The following NFKBID variants were observed in gnomAD, a reference collection of about 807,000 sequenced individuals.
NFKBID encodes NFKB inhibitor delta.
NFKBID carries 26 observed loss-of-function variants against 53.4 expected under a neutral mutation model. The observed-to-expected ratio is 0.49, with a 90% CI of 0.36 to 0.68. The LOEUF (loss-of-function observed/expected upper bound fraction) is 0.68. Among genes scored for constraint, NFKBID ranks in the 30% least tolerant of loss-of-function variants. The pLI is 0.00. For synonymous variants in NFKBID, 262 were observed against 259.8 expected (o/e 1.01, Z -0.08); for missense variants, 493 against 614.1 (o/e 0.80, Z 2.08).
At chr19:35,897,825 A>G in exon 4 of NFKBID, 1 of 1,569,466 alleles carries the variant, frequency 6.4e-7, no homozygotes, top group Non-Finnish European at 8.6e-7. Flanking sequence ...CAGAACCCAC[A>G]GTCTCCGAGT....
At chr19:35,900,602 G>A (rs1975508587) in exon 1 of NFKBID, 3 of 1,230,402 alleles carry the variant, frequency 2.4e-6, no homozygotes, top group South Asian at 8.3e-5. Context: ...CCAGTCCTGG[G>A]CAGGGCCCGC....
Position 35,889,793 on chromosome 19 carries a change from G to A in NFKBID, c.1314+97C>T. The A allele has an allele frequency of 2.4e-6, 3 of 1,274,540 alleles. No homozygotes were observed. The South Asian group carries it at 4.2e-5, about 18-fold the overall frequency. The allele number at this position is 1,274,540 out of a possible 1,614,324, so 79.0% of individuals were successfully genotyped here. Reference sequence around the variant, plus strand: ...CTGAAGTCACCTTCCGAGATTAGAAGTCATTCTCTGAAAGCGAGCATTGGG... The same window carrying A: ...CTGAAGTCACCTTCCGAGATTAGAAATCATTCTCTGAAAGCGAGCATTGGG... On this transcript the variant is annotated intron_variant, in intron 11 of 11. Transcript: ENST00000641389.
rs1418364881 is a variant in NFKBID, at chr19:35,896,389, T to C, written c.831+3A>G. 2 of 1,613,942 alleles carry C rather than the reference T, an allele frequency of 1.2e-6. No homozygotes were observed. Among genetic ancestry groups the C allele is most frequent in the Non-Finnish European group, 1.7e-6 (2 of 1,179,996 alleles). On this transcript the variant is annotated splice_donor_region_variant and intron_variant, in intron 7 of 11. Transcript: ENST00000641389. The surrounding 1 kb of genome is among the most constrained non-coding windows in gnomAD (Gnocchi z 5.7). ...CAAACCCCTGCCTGCCAGCTGGCCA[T>C]ACCAAGAGAACTCCTGGGAGCCCGT...
In NFKBID at chr19:35,896,072, C is replaced by T. The variant is rs375531604; in HGVS notation, c.940G>A (p.Asp314Asn). ...GTGCTCAGCACCCGGGGACAGAGGT[C>T]GGAAGGGCGCATAGCAACGTTAAGG... Residue 314 changes from aspartate (D) to asparagine (N), a missense_variant, in exon 9 of 12, where the codon GAC becomes AAC. By Grantham distance (23) the Asp-to-Asn change is conservative. Around this residue, in one of 2 missense-constraint regions of NFKBID, gnomAD observed 267 missense variants for 384.6 expected, o/e 0.69. Transcript: ENST00000641389. This position sits in a 1 kb window ranked among gnomAD's most constrained non-coding sequence, Gnocchi z 5.7. The T allele has an allele frequency of 7.4e-6, 12 of 1,614,014 alleles. No individual in the cohort carries two copies. Among genetic ancestry groups the T allele is most frequent in the African/African-American group, 6.7e-5 (5 of 74,920 alleles).
Position 35,896,294 on chromosome 19 carries a change from C to G in NFKBID, c.832-25G>C. 6.2e-7 allele frequency: 1 copy of G among 1,614,152 alleles called. No individual in the cohort carries two copies. Among genetic ancestry groups the G allele is most frequent in the African/African-American group, 1.3e-5 (1 of 75,064 alleles). ...CCTGGGAGGAAGAGAAGGCAGACTG[C>G]TGGGTAAGGGTATCCCCTGGCCTCC... On this transcript the variant is annotated intron_variant, in intron 7 of 11. Coordinates refer to ENST00000641389, the Ensembl canonical transcript of NFKBID. This position sits in a 1 kb window ranked among gnomAD's most constrained non-coding sequence, Gnocchi z 5.7.
exon 10 of NFKBID, chr19:35,890,439 G>A: frequency 6.2e-7 from 1 of 1,614,104 alleles, no homozygotes; most frequent in South Asian, 1.1e-5. Context: ...ACCAGAGTGG[G>A]GTTGGCAGCC....
Position 35,896,611 on chromosome 19 carries a change from C to A in NFKBID, c.685-73G>T. On this transcript the variant is annotated intron_variant, in intron 6 of 11. Coordinates refer to ENST00000641389, the Ensembl canonical transcript of NFKBID. This position sits in a 1 kb window ranked among gnomAD's most constrained non-coding sequence, Gnocchi z 5.7. The stretch of plus-strand genomic sequence containing the variant: ...CAGAAAACCAGGCTCCCAGCCCCAT[C>A]CCCCCTCAGCCCCAGGAGCTCACCC... The A allele has an allele frequency of 5.8e-6, 8 of 1,380,534 alleles. No individual in the cohort carries two copies. The highest frequency in any genetic ancestry group is 1.2e-5 in the South Asian group (1 of 85,038). 85.5% of individuals were successfully genotyped at this position (1,380,534 alleles called of 1,614,324 possible).
chr19:35,898,401 G>C, intron 3 of NFKBID, 71 bp downstream of exon 3: 1 of 982,936 alleles, frequency 1.0e-6, no homozygotes, highest in South Asian at 1.4e-5. Context: ...GTGTCCCAAA[G>C]TTCTGAGAGC....
chr19:35,890,254 T>G (rs1229427128), intron 10 of NFKBID, 120 bp downstream of exon 10: 1 of 865,074 alleles, frequency 1.2e-6, no homozygotes, highest in Non-Finnish European at 1.9e-6. Context: ...CTTCCTATAC[T>G]TTCCCCTGCA....
chr19:35,895,167 T>C (rs139666958), intron 9 of NFKBID, among the ~76,000 whole-genome samples: 104 of 151,876 alleles, frequency 6.8e-4, no homozygotes, highest in African/African-American at 2.5e-3. Context: ...CTAAGGTCAG[T>C]AATATTATTC....
At chr19:35,894,580 C>T (rs1332160379) in intron 9 of NFKBID, among the ~76,000 whole-genome samples, 1 of 152,132 alleles carries the variant, frequency 6.6e-6, no homozygotes, top group Non-Finnish European at 1.5e-5. Context: ...TGCCTGTGAT[C>T]ACAGCTACTT....
upstream of NFKBID, chr19:35,901,961 A>G: frequency 1.7e-6 from 1 of 573,468 alleles, no homozygotes; most frequent in South Asian, 2.0e-5. Flanking sequence ...GTGTGTTGTG[A>G]TAGGGGCAGA....
At chr19:35,898,960 A>C in intron 1 of NFKBID, 138 bp from the exon 2 acceptor site, 3 of 617,930 alleles carry the variant, frequency 4.9e-6, no homozygotes, top group East Asian at 5.6e-5. Context: ...ATGCCGCCTG[A>C]CTCCTCCAAA....
At chr19:35,889,195 A>C (rs1377132592) in intron 11 of NFKBID, among the ~76,000 whole-genome samples, 2 of 151,270 alleles carry the variant, frequency 1.3e-5, no homozygotes, top group Admixed American at 6.6e-5. Context: ...TTAAAAAAAA[A>C]AAAAAACAAA....
In NFKBID at chr19:35,896,726, C is replaced by T. The variant is rs1377122530; in HGVS notation, c.684G>A (p.Lys228=). Residue 228 remains lysine (K), a splice_region_variant and synonymous_variant, in exon 6 of 12, where the codon AAG becomes AAA. Transcript: ENST00000641389. This position sits in a 1 kb window ranked among gnomAD's most constrained non-coding sequence, Gnocchi z 5.7. ...GGAGAGTTCAGGCCCCAAGCCTCAC[C>T]TTGCCCTTATGCTCACGAATGTCAA... 9 of 1,613,610 alleles carry T rather than the reference C, an allele frequency of 5.6e-6. No homozygotes were observed. The South Asian group carries it at 8.8e-5, about 16-fold the overall frequency.
chr19:35,895,915 C>T lies in NFKBID; in HGVS notation c.1032+65G>A, dbSNP rs183174525. The T allele has an allele frequency of 4.1e-4, 611 of 1,506,232 alleles. 2 individuals carry two copies. In the African/African-American group the frequency reaches 6.9e-3, roughly 17 times the overall value. The allele number at this position is 1,506,232 out of a possible 1,614,324, so 93.3% of individuals were successfully genotyped here. Reference sequence around the variant, plus strand: ...AAAGTCAGCATTTGCCTGGAGCTCCCGGACATCCAAGTGGCCCCATTCCAC... The same window carrying T: ...AAAGTCAGCATTTGCCTGGAGCTCCTGGACATCCAAGTGGCCCCATTCCAC... On this transcript the variant is annotated intron_variant, in intron 9 of 11. Transcript: ENST00000641389.
intron 10 of NFKBID, 54 bp downstream of exon 10, chr19:35,890,320 C>T: frequency 3.2e-6 from 4 of 1,261,576 alleles, no homozygotes; most frequent in Non-Finnish European, 3.5e-6. Flanking sequence ...TAACATCCCA[C>T]TGCCCCCCCT....
upstream of NFKBID, among the ~76,000 whole-genome samples, chr19:35,900,823 T>TTTTC (rs1266852105): frequency 7.1e-3 from 965 of 136,794 alleles, 9 homozygotes; most frequent in African/African-American, 0.027. Flanking sequence ...CTTTTTTTTC[T>TTTTC]TTTCTTTTTT....
chr19:35,900,307 C>G, intron 1 of NFKBID, 135 bp downstream of exon 1: 1 of 685,712 alleles, frequency 1.5e-6, no homozygotes. Context: ...CCCTCCTCCT[C>G]CAAACACCTA....
Sources: gnomAD v4.1 joint callset for allele counts (sites outside exome capture counted in the v4.1 genomes callset) on GRCh38, gnomAD v4.1.1 for gene constraint, gnomAD v4.1.1 regional missense constraint, Gnocchi (gnomAD v3.1) non-coding constraint, MANE v1.5 for transcripts, NCBI Gene and HGNC (gene_info 2026-07-23, HGNC 2026-07-21) for gene names.